The following MPZL1 variants were observed in gnomAD, a reference collection of about 807,000 sequenced individuals.
The protein encoded by MPZL1 is myelin protein zero-like protein 1.
In MPZL1, 16 loss-of-function variants were observed where a neutral mutation model predicts 29.3. The observed-to-expected ratio is 0.55, with a 90% confidence interval of 0.37 to 0.83. The LOEUF (loss-of-function observed/expected upper bound fraction) is 0.83, where lower values mean the gene tolerates loss of function less well. Among genes scored for constraint, MPZL1 ranks in the 40% least tolerant of loss-of-function variants. The pLI is 0.00. For synonymous variants in MPZL1, 143 were observed against 132.0 expected (o/e 1.08, Z -0.57); for missense variants, 279 against 332.9 (o/e 0.84, Z 1.26).
chr1:167,781,601 CTG>C (rs1388407776), intron 5 of MPZL1, among the ~76,000 whole-genome samples: 1 of 150,762 alleles, frequency 6.6e-6, no homozygotes, highest in Non-Finnish European at 1.5e-5. Context: ...GTAGCATTAA[CTG>C]TTTATATTAG....
At chr1:167,757,185 G>A (rs1437903820) in intron 1 of MPZL1, among the ~76,000 whole-genome samples, 1 of 152,192 alleles carries the variant, frequency 6.6e-6, no homozygotes. Context: ...TCCCAGGAGA[G>A]ATTTGAGTCT....
At chr1:167,757,243 C>G (rs1016888410) in intron 1 of MPZL1, among the ~76,000 whole-genome samples, 1 of 152,162 alleles carries the variant, frequency 6.6e-6, no homozygotes, top group Non-Finnish European at 1.5e-5. Flanking sequence ...TTATCTCCAC[C>G]AGCACACGTC....
chr1:167,786,031 G>C (rs1661586301), intron 5 of MPZL1, among the ~76,000 whole-genome samples: 1 of 152,156 alleles, frequency 6.6e-6, no homozygotes, highest in Non-Finnish European at 1.5e-5. Flanking sequence ...CTGACCTCAT[G>C]ATCCGCCCGC....
chr1:167,731,120 G>T (rs758572942), intron 1 of MPZL1, among the ~76,000 whole-genome samples: 1 of 152,196 alleles, frequency 6.6e-6, no homozygotes, highest in Non-Finnish European at 1.5e-5. Flanking sequence ...TTTGTAATCA[G>T]GTTGAATAAT....
intron 5 of MPZL1, among the ~76,000 whole-genome samples, chr1:167,785,879 G>A (rs112923376): frequency 0.032 from 4,836 of 152,124 alleles, 233 homozygotes; most frequent in African/African-American, 0.11. Flanking sequence ...TGTAAGCTCC[G>A]CCTCCTGGGT....
chr1:167,730,342 G>C (rs559825195), intron 1 of MPZL1, among the ~76,000 whole-genome samples: 1 of 151,440 alleles, frequency 6.6e-6, no homozygotes, highest in African/African-American at 2.4e-5. Flanking sequence ...GCAGTGGCAC[G>C]ATCTCCACTC....
chr1:167,772,449 G>A lies in MPZL1; in HGVS notation c.433G>A (p.Val145Ile), dbSNP rs761520245. The A allele has an allele frequency of 3.1e-6, 5 of 1,614,126 alleles. No individual in the cohort carries two copies. The highest frequency in any genetic ancestry group is 3.4e-6 in the Non-Finnish European group (4 of 1,180,008). The change falls in exon 3 of 6, where the codon GTC (valine) becomes ATC (isoleucine). Residue 145 changes from valine (V) to isoleucine (I), a missense_variant. By Grantham distance (29) the Val-to-Ile change is conservative (BLOSUM62 3). Coordinates refer to ENST00000359523, the MANE Select transcript of MPZL1 (RefSeq NM_003953.6). ...CDVKNPPDIVVQPGHIRLYVV... is the reference protein window; with the variant it reads ...CDVKNPPDIVIQPGHIRLYVV... ...TGTCAAAAACCCTCCTGACATCGTT[G>A]TCCAGCCTGGACACATTAGGCTCTA...
At chr1:167,741,936 A>G (rs1660537119) in intron 1 of MPZL1, among the ~76,000 whole-genome samples, 1 of 150,684 alleles carries the variant, frequency 6.6e-6, no homozygotes, top group African/African-American at 2.4e-5. Context: ...AGGAGGCTGA[A>G]GTGGGAAGAT....
At chr1:167,732,699 C>T (rs1163896197) in intron 1 of MPZL1, among the ~76,000 whole-genome samples, 2 of 152,174 alleles carry the variant, frequency 1.3e-5, no homozygotes, top group African/African-American at 4.8e-5. Flanking sequence ...TCATCACAAC[C>T]TCTGCTTCCT....
At chr1:167,732,838 C>T (rs1660298855) in intron 1 of MPZL1, among the ~76,000 whole-genome samples, 1 of 152,182 alleles carries the variant, frequency 6.6e-6, no homozygotes, top group Admixed American at 6.5e-5. Flanking sequence ...GAGCTCCTGA[C>T]CTCAGGTGAC....
intron 1 of MPZL1, among the ~76,000 whole-genome samples, chr1:167,732,461 G>A (rs1660290847): frequency 6.6e-6 from 1 of 152,158 alleles, no homozygotes; most frequent in African/African-American, 2.4e-5. Context: ...TTTTAGAAAT[G>A]TGGTCTCACT....
At chr1:167,775,241 G>A (rs1661340559) in intron 4 of MPZL1, among the ~76,000 whole-genome samples, 1 of 152,228 alleles carries the variant, frequency 6.6e-6, no homozygotes, top group Non-Finnish European at 1.5e-5. Flanking sequence ...ACAGTTTGCA[G>A]AATGCATGGT....
rs1009539503 is a variant in MPZL1 at position 167,772,301 on chromosome 1, G to C, written c.285G>C (p.Val95=). 10 of 1,613,740 alleles carry C rather than the reference G, an allele frequency of 6.2e-6. No homozygotes were observed. Among genetic ancestry groups the C allele is most frequent in the Non-Finnish European group, 8.5e-6 (10 of 1,179,666 alleles). The change falls in exon 3 of 6, where the codon GTG becomes GTC. Residue 95 remains valine (V), a synonymous_variant. Coordinates refer to ENST00000359523, the MANE Select transcript of MPZL1 (RefSeq NM_003953.6). Reference sequence around the variant, plus strand: ...TTTTCCACTACTCCCAAGGGCAAGTGTACCTTGGGAATTATCCACCATTTA... The same window carrying C: ...TTTTCCACTACTCCCAAGGGCAAGTCTACCTTGGGAATTATCCACCATTTA... ...VSFFHYSQGQ[V]YLGNYPPFKD...
intron 1 of MPZL1, among the ~76,000 whole-genome samples, chr1:167,732,081 A>C (rs1053172789): frequency 1.3e-5 from 2 of 152,206 alleles, no homozygotes; most frequent in East Asian, 3.8e-4. Context: ...TGATTGTGGG[A>C]TGCTGCCCTG....
intron 1 of MPZL1, among the ~76,000 whole-genome samples, chr1:167,723,596 T>A (rs1411577583): frequency 6.6e-6 from 1 of 152,250 alleles, no homozygotes; most frequent in Non-Finnish European, 1.5e-5. Context: ...AGAATTGTTA[T>A]GCATGAGAGG....
chr1:167,762,115 A>T (rs936710350), intron 1 of MPZL1, among the ~76,000 whole-genome samples: 2 of 151,502 alleles, frequency 1.3e-5, no homozygotes, highest in Non-Finnish European at 2.9e-5. Flanking sequence ...AACTGGGGGG[A>T]TTTCACCTCT....
At chr1:167,762,285 A>G (rs991941788) in intron 1 of MPZL1, among the ~76,000 whole-genome samples, 1 of 152,196 alleles carries the variant, frequency 6.6e-6, no homozygotes, top group Non-Finnish European at 1.5e-5. Flanking sequence ...AGTTGTCAGT[A>G]GTGCTGAGGT....
At chr1:167,772,195 C>G in intron 2 of MPZL1, 80 bp from the exon 3 acceptor site, 1 of 1,137,142 alleles carries the variant, frequency 8.8e-7, no homozygotes. Context: ...TTTAAAAGAA[C>G]CTTTCATAGC....
intron 1 of MPZL1, among the ~76,000 whole-genome samples, chr1:167,732,314 T>A (rs1421331377): frequency 1.3e-5 from 2 of 152,144 alleles, no homozygotes; most frequent in East Asian, 3.8e-4. Context: ...TTTGGGAAGA[T>A]TGCTTAGGAG....
Sources: gnomAD v4.1 joint callset for allele counts (sites outside exome capture counted in the v4.1 genomes callset) on GRCh38, gnomAD v4.1.1 for gene constraint, MANE v1.5 for transcripts, NCBI Gene and HGNC (gene_info 2026-07-23, HGNC 2026-07-21) for gene names.